Variants in ZNF213 observed in about 807,000 individuals in gnomAD.
ZNF213 encodes putative transcription factor CR53.
In ZNF213, 32 loss-of-function variants were observed where a neutral mutation model predicts 46.0. That is an observed-to-expected ratio of 0.70 (90% CI 0.52 to 0.93). The LOEUF (loss-of-function observed/expected upper bound fraction) is 0.93, where lower values mean the gene tolerates loss of function less well. ZNF213 is among the 40% of genes least tolerant of loss of function. The pLI, the probability that ZNF213 is intolerant of heterozygous loss-of-function variation, is 0.00. For missense variants in ZNF213, 639 were observed against 652.8 expected (o/e 0.98, Z 0.23); for synonymous variants, 297 against 271.0 (o/e 1.10, Z -0.94).
chr16:3,138,959 T>C lies in ZNF213; in HGVS notation c.598-16T>C, dbSNP rs1957573258. The C allele has an allele frequency of 6.2e-7, 1 of 1,614,062 alleles. No homozygotes were observed. The highest frequency in any genetic ancestry group is 8.5e-7 in the Non-Finnish European group (1 of 1,180,028). Reference sequence around the variant, plus strand: ...CTGCTGGGAGGCCTGAGCCGGGTCTTCTCACCCCATTCCAGGGACCTGTGG... The same window carrying C: ...CTGCTGGGAGGCCTGAGCCGGGTCTCCTCACCCCATTCCAGGGACCTGTGG... On this transcript the variant is annotated splice_polypyrimidine_tract_variant and intron_variant, in intron 4 of 5. Transcript: ENST00000396878.
rs537311472 is a variant in ZNF213, at chr16:3,141,642, G to A, written c.*295G>A. ...CCCCAACACATTCCTGGCAGGGACAGCAGGGTGGCAAGGACTCAGGTCTAG... is the reference window on the plus strand; with the variant it reads ...CCCCAACACATTCCTGGCAGGGACAACAGGGTGGCAAGGACTCAGGTCTAG... On this transcript the variant is annotated 3_prime_UTR_variant, in exon 6 of 6. Coordinates refer to ENST00000396878, the MANE Select transcript of ZNF213 (RefSeq NM_004220.3). 236 of 449,072 alleles carry A rather than the reference G, an allele frequency of 5.3e-4. 2 individuals are homozygous for A. Among genetic ancestry groups the A allele is most frequent in the African/African-American group, 4.4e-3 (221 of 49,698 alleles). 27.8% of individuals were successfully genotyped at this position (449,072 alleles called of 1,614,324 possible).
rs1315302720 is a variant in ZNF213 at position 3,140,952 on chromosome 16, G to C, written c.985G>C (p.Gly329Arg). The C allele has an allele frequency of 1.2e-6, 2 of 1,603,694 alleles. No homozygotes were observed. Among genetic ancestry groups the C allele is most frequent in the African/African-American group, 1.3e-5 (1 of 74,778 alleles). ...GCAGTGTGGAAAGCGCTTCCGCTGG[G>C]GCTCGGACCTGGCGCGGCACCAGCG... The part of the protein sequence containing the change: ...CGQCGKRFRW[G>R]SDLARHQRTH... The change falls in exon 6 of 6, where the codon GGC becomes CGC. Residue 329 changes from glycine (G) to arginine (R), a missense_variant. Physicochemically the swap from Gly to Arg is moderately radical, Grantham distance 125. Transcript: ENST00000396878.
intron 2 of ZNF213, chr16:3,137,916 T>TTCCAGACAGGAGGTTTTAGC: frequency 1.7e-6 from 1 of 593,588 alleles, no homozygotes; most frequent in Non-Finnish European, 2.9e-6. Context: ...AGTGCGAATG[T>TTCCAGACAGGAGGTTTTAGC]TCCAGACAGG....
In ZNF213 at chr16:3,140,987, G is replaced by A. The variant is rs749286660; in HGVS notation, c.1020G>A (p.Thr340=). Residue 340 remains threonine, a synonymous_variant, in exon 6 of 6, where the codon ACG becomes ACA. Coordinates refer to ENST00000396878, the MANE Select transcript of ZNF213 (RefSeq NM_004220.3). ...TGGCGCGGCACCAGCGCACGCACAC[G>A]GGCGAGAAGCCACACAAGTGCCCTG... ...SDLARHQRTH[T]GEKPHKCPEC... The A allele has an allele frequency of 8.1e-6, 13 of 1,610,024 alleles. No individual in the cohort carries two copies. The highest frequency in any genetic ancestry group is 1.3e-5 in the African/African-American group (1 of 74,880).
Position 3,140,959 on chromosome 16 carries a change from A to C in ZNF213, c.992A>C (p.Asp331Ala). 4.4e-6 allele frequency: 7 copies of C among 1,605,612 alleles called. No individual in the cohort carries two copies. Among genetic ancestry groups the C allele is most frequent in the Non-Finnish European group, 5.9e-6 (7 of 1,178,180 alleles). ...QCGKRFRWGS[D>A]LARHQRTHTG... The stretch of plus-strand genomic sequence containing the variant: ...GGAAAGCGCTTCCGCTGGGGCTCGG[A>C]CCTGGCGCGGCACCAGCGCACGCAC... Residue 331 changes from aspartate to alanine, a missense_variant, in exon 6 of 6, where the codon GAC becomes GCC. Physicochemically the swap from Asp to Ala is moderately radical, Grantham distance 126. Transcript: ENST00000396878.
chr16:3,141,495 G>T lies in ZNF213; in HGVS notation c.*148G>T. ...CTCACACTCGGAGCTCGCCTGCCCTGCTTGGCTCTGAGGACCTGCCCAGCG... is the reference window on the plus strand; with the variant it reads ...CTCACACTCGGAGCTCGCCTGCCCTTCTTGGCTCTGAGGACCTGCCCAGCG... On this transcript the variant is annotated 3_prime_UTR_variant, in exon 6 of 6. Coordinates refer to ENST00000396878, the MANE Select transcript of ZNF213 (RefSeq NM_004220.3). 2 of 949,914 alleles carry T rather than the reference G, an allele frequency of 2.1e-6. No individual in the cohort carries two copies. Among genetic ancestry groups the T allele is most frequent in the Admixed American group, 3.1e-5 (1 of 32,560 alleles). 58.8% of individuals were successfully genotyped at this position (949,914 alleles called of 1,614,324 possible).
Position 3,141,603 on chromosome 16 carries a change from C to CTA in ZNF213, c.*257_*258dup, listed in dbSNP as rs1957605389. The CTA allele has an allele frequency of 2.1e-6, 1 of 487,076 alleles. No individual in the cohort carries two copies. The highest frequency in any genetic ancestry group is 3.6e-6 in the Non-Finnish European group (1 of 278,026). 30.2% of individuals were successfully genotyped at this position (487,076 alleles called of 1,614,324 possible). A position where few individuals can be genotyped will look rare whatever the true frequency, so the allele number is the denominator to read the frequency against. On this transcript the variant is annotated 3_prime_UTR_variant, in exon 6 of 6. Transcript: ENST00000396878. ...CTGCGCCTAGCGTTCCTCTTCCCCT[C>CTA]TAGTTTCCTGGAGCCCCAACACATT...
At chr16:3,136,958 C>T (rs1275356213) in intron 1 of ZNF213, among the ~76,000 whole-genome samples, 1 of 152,070 alleles carries the variant, frequency 6.6e-6, no homozygotes, top group Non-Finnish European at 1.5e-5. Context: ...TTATGAAACA[C>T]CCGGGTTTTG....
At chr16:3,136,719 TAAAAA>T (rs58304652) in intron 1 of ZNF213, among the ~76,000 whole-genome samples, 1 of 138,354 alleles carries the variant, frequency 7.2e-6, no homozygotes. Flanking sequence ...TCTCTCTCAG[TAAAAA>T]AAAAAAAAAA....
At position 3,135,106 on chromosome 16, in the gene ZNF213, G is replaced by GGGGGCC. The variant is rs1957519120; in HGVS notation, c.-392_-391insCGGGGC. 1 of 148,998 alleles carries GGGGGCC rather than the reference G, an allele frequency of 6.7e-6. No homozygotes were observed. Among genetic ancestry groups the GGGGGCC allele is most frequent in the East Asian group, 2.0e-4 (1 of 5,030 alleles). The allele number at this position is 148,998 out of a possible 1,614,324, so 9.2% of individuals were successfully genotyped here. A position where few individuals can be genotyped will look rare whatever the true frequency, so the allele number is the denominator to read the frequency against. On this transcript the variant is annotated 5_prime_UTR_variant, in exon 1 of 6. Coordinates refer to ENST00000396878, the MANE Select transcript of ZNF213 (RefSeq NM_004220.3). ...AGTGGGCGTTGTGTGTTTCGGGGGC[G>GGGGGCC]GGGGCGGGGGCGGGGGCCGGGGCGG...
Position 3,141,176 on chromosome 16 carries a change from C to CA in ZNF213, c.1210dup (p.Ser404LysfsTer23). The stretch of plus-strand genomic sequence containing the variant: ...ACACGGGCGAGAAGCCTTTCGGCTG[C>CA]AGCGACTGCGGCAAGAGCTTCTCGC... On this transcript the variant is annotated frameshift_variant, in exon 6 of 6. Transcript: ENST00000396878. LOFTEE classifies it high-confidence loss of function. 6.2e-7 allele frequency: 1 copy of CA among 1,612,422 alleles called. No homozygotes were observed.
rs1957603153 is a variant in ZNF213 at position 3,141,402 on chromosome 16, T to C, written c.*55T>C. ...GGCCCAGCCACGGCACATCCTGCTTTGTTCACCACTGGGACTCTCCTTCCA... is the reference window on the plus strand; with the variant it reads ...GGCCCAGCCACGGCACATCCTGCTTCGTTCACCACTGGGACTCTCCTTCCA... On this transcript the variant is annotated 3_prime_UTR_variant, in exon 6 of 6. Coordinates refer to ENST00000396878, the MANE Select transcript of ZNF213 (RefSeq NM_004220.3). 8.0e-6 allele frequency: 12 copies of C among 1,496,628 alleles called. No homozygotes were observed. The highest frequency in any genetic ancestry group is 1.4e-5 in the African/African-American group (1 of 71,614). 92.7% of individuals were successfully genotyped at this position (1,496,628 alleles called of 1,614,324 possible).
At chr16:3,138,077 G>A in intron 2 of ZNF213, 1 of 460,088 alleles carries the variant, frequency 2.2e-6, no homozygotes. Flanking sequence ...TGGGATGTTG[G>A]GTCCTTCACA....
rs770116857 is a variant in ZNF213 at position 3,141,225 on chromosome 16, C to T, written c.1258C>T (p.Arg420Trp). 4 of 1,612,662 alleles carry T rather than the reference C, an allele frequency of 2.5e-6. No homozygotes were observed. Among genetic ancestry groups the T allele is most frequent in the Non-Finnish European group, 2.5e-6 (3 of 1,179,920 alleles). ...GCTGCGCTCCTACCTGCTGGACCAT[C>T]GGCGTGTGCACACCGGTGAGCGGCC... is the stretch of plus-strand genomic sequence containing the variant. ...FSLRSYLLDHRRVHTGERPFG... is the reference protein window; with the variant it reads ...FSLRSYLLDHWRVHTGERPFG... The change falls in exon 6 of 6, where the codon CGG becomes TGG. Residue 420 changes from arginine to tryptophan, a missense_variant. Physicochemically the swap from Arg to Trp is moderately radical, Grantham distance 101 (BLOSUM62 -3). Transcript: ENST00000396878.
rs1957609803 is a variant in ZNF213, at chr16:3,141,969, C to T, written c.*622C>T. ...GACTCGGCCTGCCTTTGCCCTCGGCCTACTTGCCCTAGCATGAGGCTCTGA... is the reference window on the plus strand; with the variant it reads ...GACTCGGCCTGCCTTTGCCCTCGGCTTACTTGCCCTAGCATGAGGCTCTGA... On this transcript the variant is annotated 3_prime_UTR_variant, in exon 6 of 6. Transcript: ENST00000396878. 1 of 154,232 alleles carries T rather than the reference C, an allele frequency of 6.5e-6. No homozygotes were observed. The highest frequency in any genetic ancestry group is 1.4e-5 in the Non-Finnish European group (1 of 69,456). 9.6% of individuals were successfully genotyped at this position (154,232 alleles called of 1,614,324 possible). A position where few individuals can be genotyped will look rare whatever the true frequency, so the allele number is the denominator to read the frequency against.
At chr16:3,140,299 G>C (rs188385034) in intron 5 of ZNF213, 68 of 164,010 alleles carry the variant, frequency 4.1e-4, no homozygotes, top group African/African-American at 1.5e-3. Flanking sequence ...CCGGCTTACT[G>C]CAACCTCCGC....
At chr16:3,137,718 A>T (rs746615380) in intron 2 of ZNF213, 39 bp downstream of exon 2, 456 of 1,600,054 alleles carry the variant, frequency 2.8e-4, no homozygotes, top group Non-Finnish European at 3.7e-4. Context: ...CCTGGATGGT[A>T]TCTGAGCTCG....
rs1437412072 is a variant in ZNF213 at position 3,135,182 on chromosome 16, T to G, written c.-321T>G. 1 of 152,818 alleles carries G rather than the reference T, an allele frequency of 6.5e-6. No homozygotes were observed. Among genetic ancestry groups the G allele is most frequent in the Non-Finnish European group, 1.5e-5 (1 of 67,972 alleles). 9.5% of individuals were successfully genotyped at this position (152,818 alleles called of 1,614,324 possible). On this transcript the variant is annotated 5_prime_UTR_variant, in exon 1 of 6. Coordinates refer to ENST00000396878, the MANE Select transcript of ZNF213 (RefSeq NM_004220.3). ...CCAACATCAAGCACCGGGCTCCGAG[T>G]GGCCGGGATCAGCGCCCCGAGGCAG...
At position 3,141,446 on chromosome 16, in the gene ZNF213, G is replaced by T. The variant is rs1412080941; in HGVS notation, c.*99G>T. On this transcript the variant is annotated 3_prime_UTR_variant, in exon 6 of 6. Coordinates refer to ENST00000396878, the MANE Select transcript of ZNF213 (RefSeq NM_004220.3). ...CCTTCCATCTGTGGCCACCTCCCGG[G>T]CTGTCCGAGGGACCCCAGGGTACCT... 1.5e-6 allele frequency: 2 copies of T among 1,362,076 alleles called. No homozygotes were observed. The highest frequency in any genetic ancestry group is 2.9e-5 in the African/African-American group (2 of 68,164). The allele number at this position is 1,362,076 out of a possible 1,614,324, so 84.4% of individuals were successfully genotyped here.
Sources: allele counts gnomAD v4.1 joint callset (sites outside exome capture counted in the v4.1 genomes callset), GRCh38; gene constraint gnomAD v4.1.1; transcripts MANE v1.5; gene names NCBI Gene and HGNC (gene_info 2026-07-23, HGNC 2026-07-21).